SDK1: variants seen among roughly 807,000 people sequenced by gnomAD.
The protein encoded by SDK1 is protein sidekick-1.
SDK1 carries 157 observed loss-of-function variants against 245.5 expected under a neutral mutation model. The ratio of observed to expected loss-of-function variants is 0.64; its 90% confidence interval spans 0.56 to 0.73. The LOEUF (loss-of-function observed/expected upper bound fraction) is 0.73. SDK1 is among the 30% of genes least tolerant of loss of function. The probability of loss-of-function intolerance (pLI) is 0.00; values close to 1 mark genes in which losing one functional copy is unlikely to be tolerated. For synonymous variants in SDK1, 1,647 were observed against 1,278.5 expected, an observed-to-expected ratio of 1.29 and a Z score of -6.15; for missense variants, 3,583 against 3,002.3, an observed-to-expected ratio of 1.19 and a Z score of -4.52.
chr7:3,583,011 C>G (rs771020528), intron 1 of SDK1, among the ~76,000 whole-genome samples: 5 of 152,174 alleles, frequency 3.3e-5, no homozygotes, highest in Non-Finnish European at 5.9e-5. Flanking sequence ...TTCCCAAGTC[C>G]TTCCTTCTGT....
intron 1 of SDK1, among the ~76,000 whole-genome samples, chr7:3,495,818 C>T (rs762738696): frequency 2.6e-4 from 40 of 152,168 alleles, no homozygotes; most frequent in Non-Finnish European, 2.9e-4. Flanking sequence ...GAGCTGGTCC[C>T]GTGGCCTGGG....
intron 5 of SDK1, among the ~76,000 whole-genome samples, chr7:3,910,069 C>T (rs1313477200): frequency 3.3e-5 from 5 of 152,168 alleles, no homozygotes; most frequent in Admixed American, 3.3e-4. Flanking sequence ...GATGTGGAAT[C>T]ATTGTGTTTC....
At chr7:4,114,374 T>C (rs1783558254) in intron 25 of SDK1, 100 bp downstream of exon 25, 2 of 884,262 alleles carry the variant, frequency 2.3e-6, no homozygotes, top group Non-Finnish European at 3.4e-6. Context: ...CTCATTGGCC[T>C]GTCCCACTTG....
intron 28 of SDK1, among the ~76,000 whole-genome samples, chr7:4,138,197 A>C (rs1199676821): frequency 6.6e-6 from 1 of 152,206 alleles, no homozygotes; most frequent in Admixed American, 6.5e-5. Flanking sequence ...TGCAATCTGC[A>C]TACATTGTCT....
At chr7:3,785,326 CTG>C (rs1780867055) in intron 4 of SDK1, among the ~76,000 whole-genome samples, 5 of 152,110 alleles carry the variant, frequency 3.3e-5, no homozygotes, top group Admixed American at 3.3e-4. Context: ...TTCAAAGTGT[CTG>C]AGAGTAAATT....
chr7:3,606,676 C>T (rs985253517), intron 1 of SDK1, among the ~76,000 whole-genome samples: 1 of 152,192 alleles, frequency 6.6e-6, no homozygotes, highest in Non-Finnish European at 1.5e-5. Flanking sequence ...CCCTTTCTTA[C>T]TCAGATACCC....
chr7:3,678,493 A>G (rs933460050), intron 4 of SDK1, among the ~76,000 whole-genome samples: 7 of 152,242 alleles, frequency 4.6e-5, no homozygotes, highest in African/African-American at 1.4e-4. Context: ...TTGAAAACTA[A>G]TCATTCACTA....
chr7:3,658,075 G>T (rs924439007), intron 4 of SDK1, among the ~76,000 whole-genome samples: 1 of 152,192 alleles, frequency 6.6e-6, no homozygotes. Flanking sequence ...CTTCGGTGGG[G>T]CTCCTTCTCT....
In SDK1 at chr7:4,129,991, A is replaced by G. The variant is rs749390530; in HGVS notation, c.4023A>G (p.Ala1341=). The G allele has an allele frequency of 3.7e-6, 6 of 1,613,746 alleles. No individual in the cohort carries two copies. Among genetic ancestry groups the G allele is most frequent in the South Asian group, 3.3e-5 (3 of 91,080 alleles). ...ACCACACGCAGTCGGCCCTGCTGGC[A>G]GGCCTGCGCAAGTTCGTGCTCTACG... The part of the protein sequence containing the change: ...RGNHTQSALL[A]GLRKFVLYEL... The change falls in exon 27 of 45, where the codon GCA becomes GCG. Residue 1341 remains alanine (A), a synonymous_variant. Transcript: ENST00000404826.
chr7:4,067,855 C>T lies in SDK1; in HGVS notation c.2929C>T (p.His977Tyr). ...TQEDKPGAVG[H>Y]LSFTEILDTS... ...ATTGGTAGAACCAGGAGCTGTGGGACATCTGAGTTTCACAGAGATCTTGGA... is the reference window on the plus strand; with the variant it reads ...ATTGGTAGAACCAGGAGCTGTGGGATATCTGAGTTTCACAGAGATCTTGGA... Residue 977 changes from histidine to tyrosine, a missense_variant, in exon 20 of 45, where the codon CAT becomes TAT. His to Tyr is a moderately conservative substitution (Grantham distance 83). Transcript: ENST00000404826. The T allele has an allele frequency of 6.2e-7, 1 of 1,612,868 alleles. No individual in the cohort carries two copies. Among genetic ancestry groups the T allele is most frequent in the South Asian group, 1.1e-5 (1 of 90,570 alleles).
chr7:3,651,036 T>A (rs973294218), intron 4 of SDK1, among the ~76,000 whole-genome samples: 17 of 152,116 alleles, frequency 1.1e-4, no homozygotes, highest in African/African-American at 3.6e-4. Flanking sequence ...GTTCCTTTTT[T>A]CTGTGCATGA....
intron 1 of SDK1, among the ~76,000 whole-genome samples, chr7:3,443,550 A>T (rs1338206590): frequency 6.6e-6 from 1 of 152,156 alleles, no homozygotes; most frequent in Non-Finnish European, 1.5e-5. Flanking sequence ...AATGAAGGAG[A>T]TGATGACTAG....
chr7:3,993,285 G>A (rs566250028), intron 14 of SDK1, among the ~76,000 whole-genome samples: 2 of 152,102 alleles, frequency 1.3e-5, no homozygotes, highest in Admixed American at 6.5e-5. Context: ...GGACAAAGGC[G>A]TCCCATGGCT....
chr7:3,877,021 A>G (rs1203664624), intron 5 of SDK1, among the ~76,000 whole-genome samples: 2 of 152,196 alleles, frequency 1.3e-5, no homozygotes, highest in African/African-American at 4.8e-5. Flanking sequence ...TTTCCTTTGT[A>G]TAAATCTTCA....
At chr7:3,792,773 T>C (rs1460891950) in intron 4 of SDK1, among the ~76,000 whole-genome samples, 1 of 151,942 alleles carries the variant, frequency 6.6e-6, no homozygotes, top group Non-Finnish European at 1.5e-5. Context: ...CAGTCTCCCA[T>C]CCACCCATCC....
chr7:4,190,937 G>C (rs1259093916), intron 35 of SDK1, among the ~76,000 whole-genome samples: 1 of 152,188 alleles, frequency 6.6e-6, no homozygotes, highest in African/African-American at 2.4e-5. Context: ...CCACAGGTGC[G>C]AGCCTAGCCA....
chr7:4,265,070 C>T, intron 44 of SDK1, 54 bp from the exon 45 acceptor site: 1 of 1,507,304 alleles, frequency 6.6e-7, no homozygotes, highest in Non-Finnish European at 8.9e-7. Flanking sequence ...GCCCAGCACG[C>T]TCCGGGCCCT....
intron 1 of SDK1, among the ~76,000 whole-genome samples, chr7:3,469,931 T>C (rs1322355144): frequency 2.6e-5 from 4 of 152,220 alleles, no homozygotes; most frequent in African/African-American, 4.8e-5. Flanking sequence ...TCCTAAGTTA[T>C]AGATTGCAGA....
intron 13 of SDK1, among the ~76,000 whole-genome samples, chr7:3,975,071 A>G (rs1335519772): frequency 3.3e-5 from 5 of 152,124 alleles, no homozygotes; most frequent in East Asian, 1.9e-4. Context: ...GTTACTTCCA[A>G]TCTGGACCTT....
Sources: allele counts gnomAD v4.1 joint callset (sites outside exome capture counted in the v4.1 genomes callset), GRCh38; gene constraint gnomAD v4.1.1; transcripts MANE v1.5; gene names NCBI Gene and HGNC (gene_info 2026-07-23, HGNC 2026-07-21).